Variants in GNAO1 observed in about 807,000 individuals in gnomAD.
GNAO1 encodes G protein subunit alpha o1, also known as guanine nucleotide-binding protein G(o) subunit alpha.
For synonymous variants in GNAO1, 164 were observed against 180.7 expected (o/e 0.91, Z 0.74); for missense variants, 166 against 478.7 (o/e 0.35, Z 6.10).
chr16:56,226,095 T>C (rs570830106), intron 2 of GNAO1, among the ~76,000 whole-genome samples: 1 of 151,884 alleles, frequency 6.6e-6, no homozygotes, highest in East Asian at 1.9e-4. Context: ...GACTTCTACT[T>C]TGAGTTTGCT....
At chr16:56,331,219 G>A (rs1375022547) in intron 4 of GNAO1, among the ~76,000 whole-genome samples, 1 of 152,178 alleles carries the variant, frequency 6.6e-6, no homozygotes, top group Non-Finnish European at 1.5e-5. Context: ...TCCTGAGCAG[G>A]CTCTTGGTGC....
Position 56,282,546 on chromosome 16 carries a change from A to G in GNAO1, c.303+6474A>G, listed in dbSNP as rs1245065355. 4.6e-5 allele frequency among the ~76,000 whole-genome samples: 7 copies of G among 152,248 alleles called. No individual in the cohort carries two copies. The East Asian group carries it at 1.3e-3, about 29-fold the overall frequency. ...AGCCTGGGTCTGCTGAACCTGTGCC[A>G]TAAAGCCAAACACCAACACTGAAGT... On this transcript the variant is annotated intron_variant, in intron 3 of 8. Transcript: ENST00000262493.
intron 4 of GNAO1, among the ~76,000 whole-genome samples, chr16:56,332,343 G>C (rs754830573): frequency 2.6e-5 from 4 of 152,032 alleles, no homozygotes; most frequent in Non-Finnish European, 5.9e-5. Flanking sequence ...CGCCATGCCT[G>C]CCAGTGTTTC....
chr16:56,199,330 A>G (rs1249686116), intron 2 of GNAO1, among the ~76,000 whole-genome samples: 3 of 152,224 alleles, frequency 2.0e-5, no homozygotes, highest in Non-Finnish European at 4.4e-5. Context: ...CATGGTTCTT[A>G]AACCAAAGAG....
chr16:56,237,956 T>A (rs1343839709), intron 2 of GNAO1, among the ~76,000 whole-genome samples: 3 of 152,224 alleles, frequency 2.0e-5, no homozygotes, highest in African/African-American at 7.2e-5. Flanking sequence ...AGCTATGATA[T>A]AAACTTCGTT....
At chr16:56,197,125 A>T (rs773873787) in intron 2 of GNAO1, among the ~76,000 whole-genome samples, 1 of 152,250 alleles carries the variant, frequency 6.6e-6, no homozygotes, top group African/African-American at 2.4e-5. Context: ...CTACTAAATG[A>T]CAGGCATTAA....
intron 6 of GNAO1, chr16:56,347,891 T>A: frequency 2.1e-6 from 2 of 955,752 alleles, no homozygotes; most frequent in Non-Finnish European, 2.5e-6. Flanking sequence ...TTCTGACCCA[T>A]CCCCTGGCTC....
chr16:56,340,778 G>A (rs1357411163), intron 6 of GNAO1: 20 of 1,545,140 alleles, frequency 1.3e-5, no homozygotes, highest in Non-Finnish European at 1.6e-5. Flanking sequence ...ATTGGCCGCG[G>A]TGGGTCAGGG....
chr16:56,213,179 A>G (rs2036406564), intron 2 of GNAO1: 1 of 396,934 alleles, frequency 2.5e-6, no homozygotes, highest in Non-Finnish European at 4.4e-6. Context: ...AGATATGTGT[A>G]GCCTTTACAC....
chr16:56,334,992 T>C lies in GNAO1; in HGVS notation c.593+135T>C. On this transcript the variant is annotated intron_variant, in intron 5 of 8. Coordinates refer to ENST00000262493, the MANE Select transcript of GNAO1 (RefSeq NM_020988.3). ...CTGCGGGCTGGGGCAGGCAGCTAGATACTAGAAGGAACCTGTCTGTGTTTC... is the reference window on the plus strand; with the variant it reads ...CTGCGGGCTGGGGCAGGCAGCTAGACACTAGAAGGAACCTGTCTGTGTTTC... The C allele has an allele frequency of 6.0e-6, 5 of 838,816 alleles. No homozygotes were observed. In the South Asian group the frequency reaches 8.5e-5, roughly 14 times the overall value. 52.0% of individuals were successfully genotyped at this position (838,816 alleles called of 1,614,324 possible).
intron 3 of GNAO1, among the ~76,000 whole-genome samples, chr16:56,294,809 T>G (rs2037267576): frequency 6.6e-6 from 1 of 152,142 alleles, no homozygotes; most frequent in Non-Finnish European, 1.5e-5. Flanking sequence ...CTGCTCAAGT[T>G]TGTGCACAGT....
At position 56,354,786 on chromosome 16, in the gene GNAO1, TTCTTG is replaced by T; in HGVS notation, c.878-75_878-71del. On this transcript the variant is annotated intron_variant, in intron 7 of 8. Coordinates refer to ENST00000262493, the MANE Select transcript of GNAO1 (RefSeq NM_020988.3). The surrounding 1 kb of genome is among the most constrained non-coding windows in gnomAD (Gnocchi z 4.3). ...CTTCCTGGGACACGCCACAACCCAC[TTCTTG>T]TCTTCATGTCCCCAGCCCTGTCCAC... 7.1e-6 allele frequency: 6 copies of T among 845,446 alleles called. No individual in the cohort carries two copies. The South Asian group carries it at 9.5e-5, about 13-fold the overall frequency. The allele number at this position is 845,446 out of a possible 1,614,324, so 52.4% of individuals were successfully genotyped here.
Position 56,287,533 on chromosome 16 carries a change from A to G in GNAO1, c.303+11461A>G, listed in dbSNP as rs148697437. On this transcript the variant is annotated intron_variant, in intron 3 of 8. Coordinates refer to ENST00000262493, the MANE Select transcript of GNAO1 (RefSeq NM_020988.3). The stretch of plus-strand genomic sequence containing the variant: ...TAAGCAAGGTGCCTGGCACCAAGTA[A>G]GTGCTCAGGAAACAGCTACTGCCAT... Among the ~76,000 whole-genome samples, 10 of 152,340 alleles carry G rather than the reference A, an allele frequency of 6.6e-5. No homozygotes were observed. The East Asian group carries it at 1.5e-3, about 24-fold the overall frequency.
chr16:56,197,644 G>A (rs948765761), intron 2 of GNAO1, among the ~76,000 whole-genome samples: 1 of 152,218 alleles, frequency 6.6e-6, no homozygotes, highest in African/African-American at 2.4e-5. Flanking sequence ...AACCAACATG[G>A]CTGGAAAAGA....
At chr16:56,283,423 G>A (rs1266398064) in intron 3 of GNAO1, among the ~76,000 whole-genome samples, 2 of 152,210 alleles carry the variant, frequency 1.3e-5, no homozygotes, top group Non-Finnish European at 2.9e-5. Flanking sequence ...AGCTCTTTGG[G>A]AGGCAGAATC....
chr16:56,201,021 A>G (rs140877788), intron 2 of GNAO1, among the ~76,000 whole-genome samples: 141 of 152,284 alleles, frequency 9.3e-4, no homozygotes, highest in African/African-American at 2.6e-3. Context: ...ATGATTGCCT[A>G]TTTTGTGGGT....
chr16:56,337,910 T>A (rs565935196), intron 6 of GNAO1, among the ~76,000 whole-genome samples: 1 of 152,190 alleles, frequency 6.6e-6, no homozygotes. Context: ...CTGGCGTCTG[T>A]CATCTCCTTC....
chr16:56,202,849 A>T (rs941060034), intron 2 of GNAO1, among the ~76,000 whole-genome samples: 26 of 152,364 alleles, frequency 1.7e-4, no homozygotes, highest in African/African-American at 6.0e-4. Context: ...TCTCACACCT[A>T]TTATGCATTA....
chr16:56,194,564 C>A (rs961225073), intron 2 of GNAO1: 1 of 239,674 alleles, frequency 4.2e-6, no homozygotes, highest in Admixed American at 4.8e-5. Flanking sequence ...GCGGTCTGGG[C>A]GCGGGGCTCG....
Sources: gnomAD v4.1 joint callset for allele counts (sites outside exome capture counted in the v4.1 genomes callset) on GRCh38, gnomAD v4.1.1 for gene constraint, Gnocchi (gnomAD v3.1) non-coding constraint, MANE v1.5 for transcripts, NCBI Gene and HGNC (gene_info 2026-07-23, HGNC 2026-07-21) for gene names.